Variants in DRD3 observed in about 807,000 individuals in gnomAD.
DRD3 encodes dopamine receptor D3, also known as D(3) dopamine receptor.
Under a neutral mutation model 36.3 loss-of-function variants are expected in DRD3, and 19 were observed. The observed-to-expected ratio is 0.52, with a 90% CI of 0.36 to 0.77. The LOEUF is 0.77. Ranked by LOEUF, DRD3 falls within the 30% of genes least tolerant of loss-of-function variation. The probability of loss-of-function intolerance (pLI) is 0.00; values close to 1 mark genes in which losing one functional copy is unlikely to be tolerated. For synonymous variants in DRD3, 195 were observed against 203.7 expected (o/e 0.96, Z 0.36); for missense variants, 465 against 505.3 (o/e 0.92, Z 0.77).
intron 2 of DRD3, 40 bp downstream of exon 2, chr3:114,171,683 G>C: frequency 1.3e-6 from 2 of 1,512,826 alleles, no homozygotes; most frequent in Non-Finnish European, 1.8e-6. Context: ...ACAAGTACTA[G>C]CACAGTCATA....
chr3:114,163,497 CAT>C (rs2077752671), intron 2 of DRD3, among the ~76,000 whole-genome samples: 1 of 152,174 alleles, frequency 6.6e-6, no homozygotes, highest in Non-Finnish European at 1.5e-5. Context: ...CCTAAGGACA[CAT>C]AGCTTGTAAA....
At chr3:114,178,271 G>A (rs958934887) in intron 1 of DRD3, among the ~76,000 whole-genome samples, 2 of 152,042 alleles carry the variant, frequency 1.3e-5, no homozygotes, top group African/African-American at 4.8e-5. Context: ...GAATTGCCAG[G>A]GTGCTGAATT....
chr3:114,153,143 G>T (rs180933732), intron 3 of DRD3, among the ~76,000 whole-genome samples: 8 of 152,340 alleles, frequency 5.3e-5, no homozygotes, highest in African/African-American at 1.9e-4. Context: ...CCACTGAACT[G>T]TGTAGCCATG....
chr3:114,181,276 A>C (rs148642014), upstream of DRD3, among the ~76,000 whole-genome samples: 45 of 152,256 alleles, frequency 3.0e-4, no homozygotes, highest in Non-Finnish European at 5.1e-4. Context: ...TAGGCAGTCA[A>C]CTCTGTTCTG....
chr3:114,147,602 G>A, intron 3 of DRD3, 45 bp from the exon 4 acceptor site: 2 of 1,586,202 alleles, frequency 1.3e-6, no homozygotes, highest in South Asian at 1.1e-5. Context: ...GAGATGGAAT[G>A]GGGTACTTTT....
At chr3:114,136,880 G>A (rs185702247) in intron 5 of DRD3, among the ~76,000 whole-genome samples, 1 of 152,188 alleles carries the variant, frequency 6.6e-6, no homozygotes, top group Non-Finnish European at 1.5e-5. Flanking sequence ...ACATTCAGTG[G>A]TAAATATGGC....
chr3:114,175,993 G>A (rs191077046), intron 1 of DRD3: 6 of 152,186 alleles, frequency 3.9e-5, no homozygotes, highest in Admixed American at 2.6e-4. Context: ...GTTTGTTCTG[G>A]CATCTCTTAG....
rs546870579 is a variant in DRD3 at position 114,131,513 on chromosome 3, G to T, written c.724-113C>A. 2.5e-5 allele frequency: 35 copies of T among 1,392,708 alleles called. No homozygotes were observed. In the Admixed American group the frequency reaches 3.7e-4, roughly 15 times the overall value. The allele number at this position is 1,392,708 out of a possible 1,614,324, so 86.3% of individuals were successfully genotyped here. A position where few individuals can be genotyped will look rare whatever the true frequency, so the allele number is the denominator to read the frequency against. The stretch of plus-strand genomic sequence containing the variant: ...AAGGAAGACGGCAACACAGTTGTGG[G>T]AAACCTACAAAGGGAACATCTGAGG... On this transcript the variant is annotated intron_variant, in intron 5 of 6. Transcript: ENST00000383673.
intron 2 of DRD3, among the ~76,000 whole-genome samples, chr3:114,160,953 T>A (rs1386148385): frequency 6.6e-6 from 1 of 152,248 alleles, no homozygotes; most frequent in Non-Finnish European, 1.5e-5. Context: ...GGAATTTATA[T>A]AATATCATTT....
At position 114,171,726 on chromosome 3, in the gene DRD3, C is replaced by T. The variant is rs138000689; in HGVS notation, c.267G>A (p.Leu89=). The change falls in exon 2 of 7, where the codon CTG becomes CTA. Residue 89 remains leucine (L), a synonymous_variant. Transcript: ENST00000383673. ...ATLVMPWVVY[L]EVTGGVWNFS... ...CATGCACCTGAAGTCTACTCACCTC[C>T]AGGTATACCACCCAGGGCATCACCA... is the stretch of plus-strand genomic sequence containing the variant. 34 of 1,599,290 alleles carry T rather than the reference C, an allele frequency of 2.1e-5. No homozygotes were observed. In the African/African-American group the frequency reaches 3.1e-4, roughly 15 times the overall value.
chr3:114,187,555 C>G (rs2077982270), intron 1 of DRD3, among the ~76,000 whole-genome samples: 1 of 152,154 alleles, frequency 6.6e-6, no homozygotes, highest in Non-Finnish European at 1.5e-5. Flanking sequence ...GTTCAGATAT[C>G]CTACTGCACT....
At chr3:114,145,525 A>C (rs1367290339) in intron 4 of DRD3, among the ~76,000 whole-genome samples, 1 of 152,248 alleles carries the variant, frequency 6.6e-6, no homozygotes, top group Non-Finnish European at 1.5e-5. Context: ...GTTACCCTTT[A>C]CTGTGGCAGA....
At chr3:114,195,293 T>G (rs2078031042) in intron 1 of DRD3, among the ~76,000 whole-genome samples, 1 of 152,202 alleles carries the variant, frequency 6.6e-6, no homozygotes, top group South Asian at 2.1e-4. Context: ...TGGGAGATAC[T>G]TAAAAGAATC....
chr3:114,155,292 T>G (rs2077655370), intron 3 of DRD3, among the ~76,000 whole-genome samples: 1 of 152,196 alleles, frequency 6.6e-6, no homozygotes, highest in African/African-American at 2.4e-5. Flanking sequence ...CTGTTTTCAT[T>G]TCTAGAATAG....
chr3:114,159,642 T>A, intron 3 of DRD3, 113 bp downstream of exon 3: 1 of 751,980 alleles, frequency 1.3e-6, no homozygotes, highest in Non-Finnish European at 2.2e-6. Flanking sequence ...GGAAAGAAAA[T>A]GTTCCAGTGT....
In DRD3 at chr3:114,147,408, C is replaced by T. The variant is rs757635636; in HGVS notation, c.526+7G>A. ...ATGGATGCTAGAAATGAAGCCATCA[C>T]TGTTACCTGTGGTATTAAAGCCAAA... On this transcript the variant is annotated splice_region_variant and intron_variant, in intron 4 of 6. Coordinates refer to ENST00000383673, the MANE Select transcript of DRD3 (RefSeq NM_000796.6). The T allele has an allele frequency of 6.2e-7, 1 of 1,611,178 alleles. No individual in the cohort carries two copies. Among genetic ancestry groups the T allele is most frequent in the South Asian group, 1.1e-5 (1 of 91,002 alleles).
intron 1 of DRD3, among the ~76,000 whole-genome samples, chr3:114,188,612 C>A (rs1463786290): frequency 1.3e-5 from 2 of 152,174 alleles, no homozygotes; most frequent in Admixed American, 1.3e-4. Flanking sequence ...ATTCTCAGTG[C>A]AACATCCAGA....
At chr3:114,194,504 A>C (rs2078026963) in intron 1 of DRD3, among the ~76,000 whole-genome samples, 1 of 152,092 alleles carries the variant, frequency 6.6e-6, no homozygotes, top group Non-Finnish European at 1.5e-5. Context: ...GCTGGTCTTG[A>C]ACTCCTGACC....
At chr3:114,144,069 C>T (rs913923267) in intron 4 of DRD3, among the ~76,000 whole-genome samples, 12 of 152,242 alleles carry the variant, frequency 7.9e-5, no homozygotes, top group African/African-American at 2.7e-4. Context: ...TTTGCCTAGA[C>T]TGCTGGGCCT....
Sources: gnomAD v4.1 joint callset for allele counts (sites outside exome capture counted in the v4.1 genomes callset) on GRCh38, gnomAD v4.1.1 for gene constraint, MANE v1.5 for transcripts, NCBI Gene and HGNC (gene_info 2026-07-23, HGNC 2026-07-21) for gene names.